Variants in ZNF141 observed in about 807,000 individuals in gnomAD.
The protein encoded by ZNF141 is zinc finger protein 141 (clone pHZ-44).
Under a neutral mutation model 11.3 loss-of-function variants are expected in ZNF141, and 7 were observed. The ratio of observed to expected loss-of-function variants is 0.62; its 90% CI spans 0.35 to 1.16. The LOEUF is 1.16. Among genes scored for constraint, ZNF141 ranks in the 50% most tolerant of loss-of-function variants. ZNF141 has a pLI of 0.02. For synonymous variants in ZNF141, 183 were observed against 190.7 expected, an observed-to-expected ratio of 0.96 and a Z score of 0.33; for missense variants, 535 against 554.0, an observed-to-expected ratio of 0.97 and a Z score of 0.34.
At chr4:338,105 C>T in intron 1 of ZNF141, 119 bp downstream of exon 1, 1 of 1,392,836 alleles carries the variant, frequency 7.2e-7, no homozygotes, top group Non-Finnish European at 9.9e-7. Context: ...GCCCTGGGGC[C>T]TCAGTACCCT....
In ZNF141 at chr4:353,404, C is replaced by T. The variant is rs548553397; in HGVS notation, c.226+8974C>T. On this transcript the variant is annotated intron_variant, in intron 3 of 3. Transcript: ENST00000240499. ...AAAAAAAAATCACAGCAGACTTGGT[C>T]AGAAGGAGATGGTGGGTCTGTTGAA... Among the ~76,000 whole-genome samples the T allele has an allele frequency of 5.4e-5, 8 of 148,980 alleles. No homozygotes were observed. In the South Asian group the frequency reaches 1.3e-3, roughly 24 times the overall value.
At chr4:366,461 G>A (rs564569197) in intron 3 of ZNF141, among the ~76,000 whole-genome samples, 9 of 151,306 alleles carry the variant, frequency 5.9e-5, no homozygotes, top group African/African-American at 1.2e-4. Flanking sequence ...GGCGTGTGCC[G>A]CCCCACTAAT....
chr4:343,104 T>C, intron 1 of ZNF141: 1 of 592,496 alleles, frequency 1.7e-6, no homozygotes. Flanking sequence ...AAAGTCCTTA[T>C]GTTTTAAAAT....
intron 3 of ZNF141, among the ~76,000 whole-genome samples, chr4:347,637 C>A (rs1023609921): frequency 2.0e-5 from 3 of 151,848 alleles, no homozygotes; most frequent in Non-Finnish European, 4.4e-5. Context: ...AGGAGCCCGG[C>A]CGCGCCCAGC....
intron 3 of ZNF141, among the ~76,000 whole-genome samples, chr4:350,461 A>T (rs1553850271): frequency 6.6e-6 from 1 of 152,242 alleles, no homozygotes; most frequent in Non-Finnish European, 1.5e-5. Context: ...TTTTCATTTG[A>T]AGCTAAAGAA....
intron 1 of ZNF141, 184 bp downstream of exon 1, chr4:338,170 T>G (rs1407247943): frequency 1.5e-6 from 1 of 663,360 alleles, no homozygotes; most frequent in Non-Finnish European, 2.4e-6. Context: ...TGGCCCAGCC[T>G]GCAGCCCTCC....
chr4:346,069 C>T (rs1721306970), intron 3 of ZNF141, among the ~76,000 whole-genome samples: 1 of 152,162 alleles, frequency 6.6e-6, no homozygotes, highest in Admixed American at 6.5e-5. Context: ...CACACACACA[C>T]CTATATAACT....
At chr4:340,032 C>T (rs782817955) in intron 1 of ZNF141, among the ~76,000 whole-genome samples, 4 of 152,202 alleles carry the variant, frequency 2.6e-5, no homozygotes, top group Non-Finnish European at 4.4e-5. Context: ...TTTTGGCAGT[C>T]TCTTAGTAGA....
rs1712536154 is a variant in ZNF141, at chr4:379,842, A to G, written c.*5980A>G. Reference sequence around the variant, plus strand: ...TAGAATATGGTGTTTTGTAGTATATATACATTGTCAAAAGCTTAATTCTAG... The same window carrying G: ...TAGAATATGGTGTTTTGTAGTATATGTACATTGTCAAAAGCTTAATTCTAG... On this transcript the variant is annotated 3_prime_UTR_variant, in exon 4 of 4. Transcript: ENST00000240499. 6.6e-6 allele frequency among the ~76,000 whole-genome samples: 1 copy of G among 152,264 alleles called. No individual in the cohort carries two copies. Among genetic ancestry groups the G allele is most frequent in the Non-Finnish European group, 1.5e-5 (1 of 68,044 alleles).
chr4:350,730 G>C (rs7663963), intron 3 of ZNF141, among the ~76,000 whole-genome samples: 2,187 of 151,964 alleles, frequency 0.014, 55 homozygotes, highest in African/African-American at 0.048. Flanking sequence ...GTTCTCCCGA[G>C]ATCTTATTTT....
intron 3 of ZNF141, among the ~76,000 whole-genome samples, chr4:371,357 G>A (rs1338593889): frequency 2.7e-5 from 4 of 150,132 alleles, no homozygotes; most frequent in African/African-American, 4.9e-5. Flanking sequence ...TCAGCCTTCC[G>A]AGTAGCTGGG....
chr4:356,640 C>A (rs1341985662), intron 3 of ZNF141, among the ~76,000 whole-genome samples: 1 of 152,116 alleles, frequency 6.6e-6, no homozygotes, highest in Admixed American at 6.6e-5. Flanking sequence ...ATCACAATGG[C>A]AGTTAAATTT....
In ZNF141 at chr4:369,771, T is replaced by A. The variant is rs1310942967; in HGVS notation, c.227-2893T>A. ...ATATATATATATATATATATTTTTT[T>A]TTTTTTTTTTTTTGAGAGGGAGTCT... On this transcript the variant is annotated intron_variant, in intron 3 of 3. Coordinates refer to ENST00000240499, the MANE Select transcript of ZNF141 (RefSeq NM_003441.4). Among the ~76,000 whole-genome samples the A allele has an allele frequency of 5.3e-3, 581 of 109,210 alleles. 1 individual carries two copies. The highest frequency in any genetic ancestry group is 8.7e-3 in the Non-Finnish European group (487 of 55,790). The allele number at this position is 109,210 out of a possible 152,430, so 71.6% of individuals were successfully genotyped here. A position where few individuals can be genotyped will look rare whatever the true frequency, so the allele number is the denominator to read the frequency against.
At position 372,805 on chromosome 4, in the gene ZNF141, G is replaced by T. The variant is rs551375932; in HGVS notation, c.368G>T (p.Cys123Phe). Reference sequence around the variant, plus strand: ...AAAGGCTGTAAAAGTTTGAATGAGTGTAAGTTGCAGAAAGGAGGTTATAAT... The same window carrying T: ...AAAGGCTGTAAAAGTTTGAATGAGTTTAAGTTGCAGAAAGGAGGTTATAAT... ...LRKGCKSLNE[C>F]KLQKGGYNEF... The change falls in exon 4 of 4, where the codon TGT becomes TTT. Residue 123 changes from cysteine (C) to phenylalanine (F), a missense_variant. Transcript: ENST00000240499. 6.1e-5 allele frequency: 99 copies of T among 1,613,906 alleles called. 1 individual carries two copies. The East Asian group carries it at 1.7e-3, about 28-fold the overall frequency.
chr4:343,044 G>T (rs1721128240), intron 1 of ZNF141: 1 of 723,238 alleles, frequency 1.4e-6, no homozygotes, highest in Admixed American at 2.7e-5. Flanking sequence ...TATTAAAAAA[G>T]TTCCTTGCAT....
chr4:357,396 G>A (rs1721891574), intron 3 of ZNF141, among the ~76,000 whole-genome samples: 1 of 149,736 alleles, frequency 6.7e-6, no homozygotes, highest in Non-Finnish European at 1.5e-5. Flanking sequence ...TCCAGCCTGA[G>A]TGATAGAGTG....
At chr4:372,543 T>A (rs1469479979) in intron 3 of ZNF141, 121 bp from the exon 4 acceptor site, 2 of 852,602 alleles carry the variant, frequency 2.3e-6, no homozygotes, top group East Asian at 5.5e-5. Flanking sequence ...GAAGAAGTTA[T>A]GGCCTGTGGG....
chr4:357,279 G>T (rs967235440), intron 3 of ZNF141, among the ~76,000 whole-genome samples: 3 of 152,048 alleles, frequency 2.0e-5, no homozygotes, highest in Admixed American at 2.0e-4. Context: ...AGATTGAATA[G>T]CTTTCTGAGA....
intron 3 of ZNF141, among the ~76,000 whole-genome samples, chr4:369,730 T>C (rs1288005861): frequency 1.4e-5 from 1 of 72,958 alleles, no homozygotes; most frequent in East Asian, 5.3e-4. Flanking sequence ...GAAAAATTTC[T>C]TAAAGAGATA....
Sources: gnomAD v4.1 joint callset for allele counts (sites outside exome capture counted in the v4.1 genomes callset) on GRCh38, gnomAD v4.1.1 for gene constraint, MANE v1.5 for transcripts, NCBI Gene and HGNC (gene_info 2026-07-23, HGNC 2026-07-21) for gene names.